The following OTOGL variants were observed in gnomAD, a reference collection of about 807,000 sequenced individuals.
OTOGL encodes the protein otogelin like, also known as otogelin-like protein.
Under a neutral mutation model 318.5 loss-of-function variants are expected in OTOGL, and 285 were observed. The ratio of observed to expected loss-of-function variants is 0.89; its 90% CI spans 0.81 to 0.99. The LOEUF (loss-of-function observed/expected upper bound fraction) is 0.99, where lower values mean the gene tolerates loss of function less well. Ranked by LOEUF, OTOGL falls within the 50% of genes least tolerant of loss-of-function variation. The pLI is 0.00. For missense variants in OTOGL, 2,899 were observed against 2,845.6 expected (o/e 1.02, Z -0.43); for synonymous variants, 987 against 936.5 (o/e 1.05, Z -0.99).
chr12:80,285,470 G>A (rs1159290196), intron 26 of OTOGL, among the ~76,000 whole-genome samples: 3 of 152,166 alleles, frequency 2.0e-5, no homozygotes, highest in Non-Finnish European at 4.4e-5. Context: ...ACTTTGGGCA[G>A]TATGGCCATT....
chr12:80,250,923 G>T (rs1242436945), intron 11 of OTOGL, among the ~76,000 whole-genome samples: 5 of 152,216 alleles, frequency 3.3e-5, no homozygotes, highest in African/African-American at 9.6e-5. Flanking sequence ...AAATTATTTT[G>T]GGGGGAAGCT....
intron 6 of OTOGL, among the ~76,000 whole-genome samples, chr12:80,221,089 T>C (rs10506824): frequency 0.36 from 55,304 of 151,960 alleles, 11,209 homozygotes; most frequent in South Asian, 0.5. Context: ...TGAATGTTAC[T>C]GGTTTTCATA....
At position 80,255,187 on chromosome 12, in the gene OTOGL, TA is replaced by T; in HGVS notation, c.1587+4del. ...TTACAGAAAGCTCCCTGTGAGCAGG[TA>T]AGAACATTTCAAAATGACCAGAGGA... On this transcript the variant is annotated splice_donor_region_variant and intron_variant, in intron 16 of 58. Coordinates refer to ENST00000547103, the MANE Select transcript of OTOGL (RefSeq NM_001378609.3). The T allele has an allele frequency of 6.8e-7, 1 of 1,478,552 alleles. No homozygotes were observed. Among genetic ancestry groups the T allele is most frequent in the Non-Finnish European group, 8.9e-7 (1 of 1,118,874 alleles). The allele number at this position is 1,478,552 out of a possible 1,614,324, so 91.6% of individuals were successfully genotyped here.
At chr12:80,192,676 G>C (rs1875777283) in intron 1 of OTOGL, among the ~76,000 whole-genome samples, 1 of 152,192 alleles carries the variant, frequency 6.6e-6, no homozygotes, top group Non-Finnish European at 1.5e-5. Flanking sequence ...TCTTTTTGGA[G>C]AAAAATGCTG....
At chr12:80,323,898 GT>G (rs1887515695) in intron 35 of OTOGL, 58 bp downstream of exon 35, 1 of 1,351,076 alleles carries the variant, frequency 7.4e-7, no homozygotes, top group Non-Finnish European at 1.0e-6. Flanking sequence ...TCTGTTTTCA[GT>G]TGATTTTTTT....
intron 1 of OTOGL, among the ~76,000 whole-genome samples, chr12:80,106,845 T>C (rs1324962376): frequency 2.6e-5 from 4 of 152,238 alleles, no homozygotes; most frequent in African/African-American, 9.6e-5. Context: ...CATGACAATA[T>C]TTATTAGTAC....
chr12:80,124,973 G>A (rs1870725981), intron 1 of OTOGL, among the ~76,000 whole-genome samples: 1 of 152,220 alleles, frequency 6.6e-6, no homozygotes, highest in Non-Finnish European at 1.5e-5. Flanking sequence ...ACACAATCAT[G>A]TCATCTGCAA....
intron 4 of OTOGL, among the ~76,000 whole-genome samples, chr12:80,217,055 G>C (rs530248927): frequency 4.9e-4 from 75 of 152,222 alleles, no homozygotes; most frequent in Non-Finnish European, 6.6e-4. Flanking sequence ...CACCGAAACA[G>C]CAGATGCTTC....
At chr12:80,205,635 T>G (rs1347119561) in intron 1 of OTOGL, among the ~76,000 whole-genome samples, 1 of 152,208 alleles carries the variant, frequency 6.6e-6, no homozygotes, top group East Asian at 1.9e-4. Flanking sequence ...TACAAGATTC[T>G]ATTTGCTGGC....
chr12:80,188,719 A>G (rs1875475345), intron 1 of OTOGL, among the ~76,000 whole-genome samples: 1 of 152,174 alleles, frequency 6.6e-6, no homozygotes, highest in Non-Finnish European at 1.5e-5. Flanking sequence ...TGCAAGCAGC[A>G]CCTCACTAGA....
intron 55 of OTOGL, among the ~76,000 whole-genome samples, chr12:80,370,350 T>C (rs988867630): frequency 3.9e-5 from 6 of 152,044 alleles, no homozygotes; most frequent in Admixed American, 1.3e-4. Flanking sequence ...ACACTATACA[T>C]ATGTATGTAT....
At position 80,262,083 on chromosome 12, in the gene OTOGL, T is replaced by C; in HGVS notation, c.2004T>C (p.Asn668=). ...HVPVVDPCNI[N]QQNIGYAAHC... is the part of the protein sequence containing the mutation. ...CAGTGGTGGACCCCTGTAACATCAATCAACAAAACAGTAAGTTTTGCATGT... is the reference window on the plus strand; with the variant it reads ...CAGTGGTGGACCCCTGTAACATCAACCAACAAAACAGTAAGTTTTGCATGT... The change falls in exon 19 of 59, where the codon AAT becomes AAC. Residue 668 remains asparagine, a synonymous_variant. Coordinates refer to ENST00000547103, the MANE Select transcript of OTOGL (RefSeq NM_001378609.3). 2 of 1,606,682 alleles carry C rather than the reference T, an allele frequency of 1.2e-6. No individual in the cohort carries two copies. Among genetic ancestry groups the C allele is most frequent in the Non-Finnish European group, 1.7e-6 (2 of 1,175,818 alleles).
chr12:80,337,678 T>C (rs1048153404), intron 42 of OTOGL, among the ~76,000 whole-genome samples: 2 of 150,324 alleles, frequency 1.3e-5, no homozygotes, highest in Admixed American at 1.3e-4. Context: ...CTGTAAAATA[T>C]GAAAAAAAAA....
At chr12:80,275,082 A>G (rs1451982492) in intron 24 of OTOGL, among the ~76,000 whole-genome samples, 2 of 151,962 alleles carry the variant, frequency 1.3e-5, no homozygotes, top group East Asian at 1.9e-4. Flanking sequence ...AGTAATTTCA[A>G]CTTTAAAGTC....
chr12:80,321,731 A>G (rs1887348988), intron 34 of OTOGL, among the ~76,000 whole-genome samples: 1 of 152,202 alleles, frequency 6.6e-6, no homozygotes, highest in South Asian at 2.1e-4. Flanking sequence ...GAACAAAGAA[A>G]AAGAAGCTCT....
Position 80,355,907 on chromosome 12 carries a change from G to C in OTOGL, c.5765G>C (p.Gly1922Ala), listed in dbSNP as rs1889867191. The change falls in exon 47 of 59, where the codon GGC becomes GCC. Residue 1922 changes from glycine (G) to alanine (A), a missense_variant. This residue lies in a region of OTOGL where 2,607 missense variants were observed against 2,524.9 expected (regional missense o/e 1.03). Coordinates refer to ENST00000547103, the MANE Select transcript of OTOGL (RefSeq NM_001378609.3). ...GAACGAGAAGCTGAAGTTGTCATGGGCATCATTGATAAATGGACCTGCTGT... is the reference window on the plus strand; with the variant it reads ...GAACGAGAAGCTGAAGTTGTCATGGCCATCATTGATAAATGGACCTGCTGT... ...VCEREAEVVM[G>A]IIDKWTCCSK... 7 of 1,613,910 alleles carry C rather than the reference G, an allele frequency of 4.3e-6. No homozygotes were observed. Among genetic ancestry groups the C allele is most frequent in the Non-Finnish European group, 5.9e-6 (7 of 1,179,834 alleles).
Position 80,333,024 on chromosome 12 carries a change from A to G in OTOGL, c.4368A>G (p.Pro1456=), listed in dbSNP as rs202077499. ...TGACAGTTTGGGAAATGATTACTCC[A>G]TCAGACATCACTGTGTTTGATATGC... is the stretch of plus-strand genomic sequence containing the variant. ...PMFTVWEMIT[P]SDITVFDMLT... is the part of the protein sequence containing the mutation. Residue 1456 remains proline, a synonymous_variant, in exon 38 of 59, where the codon CCA becomes CCG. Transcript: ENST00000547103. 2.4e-5 allele frequency: 39 copies of G among 1,599,006 alleles called. No individual in the cohort carries two copies. The highest frequency in any genetic ancestry group is 3.4e-5 in the Admixed American group (2 of 58,280).
chr12:80,219,691 G>C, intron 5 of OTOGL, 123 bp from the exon 6 acceptor site: 1 of 693,148 alleles, frequency 1.4e-6, no homozygotes, highest in Non-Finnish European at 2.5e-6. Flanking sequence ...AGCAAGGCAA[G>C]AGGCTGAGAG....
intron 42 of OTOGL, among the ~76,000 whole-genome samples, chr12:80,337,232 T>C (rs1289875230): frequency 6.6e-6 from 1 of 152,042 alleles, no homozygotes; most frequent in Non-Finnish European, 1.5e-5. Context: ...GCAGGGACCA[T>C]GTTAAATACA....
Sources: gnomAD v4.1 joint callset for allele counts (sites outside exome capture counted in the v4.1 genomes callset) on GRCh38, gnomAD v4.1.1 for gene constraint, gnomAD v4.1.1 regional missense constraint, MANE v1.5 for transcripts, NCBI Gene and HGNC (gene_info 2026-07-23, HGNC 2026-07-21) for gene names.